KDM4A: variants seen among roughly 807,000 people sequenced by gnomAD.
The protein encoded by KDM4A is lysine demethylase 4A.
A neutral mutation model predicts 127.1 loss-of-function variants in KDM4A; 23 were observed. The ratio of observed to expected loss-of-function variants is 0.18; its 90% CI spans 0.13 to 0.26. The LOEUF (loss-of-function observed/expected upper bound fraction) is 0.26. Ranked by LOEUF, KDM4A falls within the 10% of genes least tolerant of loss-of-function variation. KDM4A has a pLI of 1.00. For synonymous variants in KDM4A, 443 were observed against 466.5 expected, an observed-to-expected ratio of 0.95 and a Z score of 0.65; for missense variants, 890 against 1,329.1, an observed-to-expected ratio of 0.67 and a Z score of 5.14.
chr1:43,669,500 C>G (rs1225316207), intron 10 of KDM4A, among the ~76,000 whole-genome samples: 6 of 152,104 alleles, frequency 3.9e-5, no homozygotes, highest in Non-Finnish European at 7.4e-5. Flanking sequence ...CCTCCCTCTG[C>G]CTGGTCAGGG....
rs114437207 is a variant in KDM4A, at chr1:43,660,780, T to A, written c.429+368T>A. ...CTAATCTAATGAAAGGGGTATACAT[T>A]TAAGAAGAGAAATACATTTAGATTT... On this transcript the variant is annotated intron_variant, in intron 4 of 21. Coordinates refer to ENST00000372396, the MANE Select transcript of KDM4A (RefSeq NM_014663.3). 5.6e-3 allele frequency among the ~76,000 whole-genome samples: 832 copies of A among 149,232 alleles called. 6 individuals are homozygous for A. The highest frequency in any genetic ancestry group is 0.01 in the Middle Eastern group (3 of 294).
chr1:43,658,356 C>G (rs184907601), intron 3 of KDM4A, among the ~76,000 whole-genome samples: 6 of 152,212 alleles, frequency 3.9e-5, no homozygotes, highest in African/African-American at 1.4e-4. Context: ...CAGGCATGAG[C>G]CACCGTGCCC....
chr1:43,691,585 A>C lies in KDM4A; in HGVS notation c.2319+13A>C. On this transcript the variant is annotated intron_variant, in intron 15 of 21. Transcript: ENST00000372396. ...TGCCCTAGAGGAGGTGAGTGATCCCACACTGTTACTGTCTTCACCATGAGT... is the reference window on the plus strand; with the variant it reads ...TGCCCTAGAGGAGGTGAGTGATCCCCCACTGTTACTGTCTTCACCATGAGT... 1.2e-6 allele frequency: 2 copies of C among 1,608,638 alleles called. No homozygotes were observed. Among genetic ancestry groups the C allele is most frequent in the Non-Finnish European group, 1.7e-6 (2 of 1,175,070 alleles).
Position 43,693,936 on chromosome 1 carries a change from A to G in KDM4A, c.2376-58A>G. The G allele has an allele frequency of 6.9e-7, 1 of 1,439,718 alleles. No individual in the cohort carries two copies. Among genetic ancestry groups the G allele is most frequent in the Non-Finnish European group, 9.8e-7 (1 of 1,025,402 alleles). 89.2% of individuals were successfully genotyped at this position (1,439,718 alleles called of 1,614,324 possible). On this transcript the variant is annotated intron_variant, in intron 16 of 21. Transcript: ENST00000372396. The surrounding 1 kb of genome is among the most constrained non-coding windows in gnomAD (Gnocchi z 4.2). ...GAAGCGCTGTCAGCAGGCCCAAAAGAGAAGGCCACAGAGCCTTGGGCCCAG... is the reference window on the plus strand; with the variant it reads ...GAAGCGCTGTCAGCAGGCCCAAAAGGGAAGGCCACAGAGCCTTGGGCCCAG...
chr1:43,700,684 A>C (rs1661366547), intron 19 of KDM4A, among the ~76,000 whole-genome samples: 1 of 152,156 alleles, frequency 6.6e-6, no homozygotes, highest in Non-Finnish European at 1.5e-5. Context: ...CAACCTCCCA[A>C]AGTGCTGGGA....
rs771020769 is a variant in KDM4A at position 43,683,727 on chromosome 1, C to G, written c.1778C>G (p.Ser593Cys). The G allele has an allele frequency of 3.1e-6, 5 of 1,614,016 alleles. No homozygotes were observed. In the South Asian group the frequency reaches 5.5e-5, roughly 18 times the overall value. The stretch of plus-strand genomic sequence containing the variant: ...TTTTCCCTAGAAGAGAATAAGAAGT[C>G]CAAGGGACGCCGTCAGCCTTTAAGC... ...YMFSLEENKK[S>C]KGRRQPLSKL... Residue 593 changes from serine (S) to cysteine (C), a missense_variant, in exon 12 of 22, where the codon TCC becomes TGC. Coordinates refer to ENST00000372396, the MANE Select transcript of KDM4A (RefSeq NM_014663.3).
At chr1:43,675,490 C>T (rs528132459) in intron 11 of KDM4A, among the ~76,000 whole-genome samples, 16 of 152,234 alleles carry the variant, frequency 1.1e-4, no homozygotes, top group African/African-American at 2.6e-4. Context: ...AGAATGAAAT[C>T]GAAGAGAATC....
chr1:43,656,129 G>A (rs1393697270), intron 3 of KDM4A, among the ~76,000 whole-genome samples: 1 of 152,104 alleles, frequency 6.6e-6, no homozygotes, highest in East Asian at 1.9e-4. Context: ...TCTCTCTCGG[G>A]ATGCTCTGTG....
Position 43,661,335 on chromosome 1 carries a change from G to A in KDM4A, c.429+923G>A, listed in dbSNP as rs369693747. On this transcript the variant is annotated intron_variant, in intron 4 of 21. Transcript: ENST00000372396. ...TAAAAAAATGAATTCCAGGCCGGGT[G>A]TGGTGGCTCACATCTGTAATCCCAG... Among the ~76,000 whole-genome samples, 7 of 151,734 alleles carry A rather than the reference G, an allele frequency of 4.6e-5. No homozygotes were observed. In the East Asian group the frequency reaches 1.4e-3, roughly 30 times the overall value.
intron 9 of KDM4A, 98 bp downstream of exon 9, chr1:43,668,117 G>GT (rs1398940733): frequency 2.0e-6 from 3 of 1,509,878 alleles, no homozygotes; most frequent in Non-Finnish European, 2.7e-6. Context: ...TTTTTGTTTT[G>GT]TTTTGTTTTT....
chr1:43,656,930 G>A (rs72883044), intron 3 of KDM4A, among the ~76,000 whole-genome samples: 2,655 of 151,532 alleles, frequency 0.018, 86 homozygotes, highest in African/African-American at 0.062. Context: ...GGGTTTCACC[G>A]TCTCTACTGT....
chr1:43,693,050 T>C lies in KDM4A; in HGVS notation c.2375+739T>C, dbSNP rs1394761742. ...CGCCTGCCCTCAAGAGTCCCAGTTA[T>C]GCTGTCCCTGAGAGATAGCTACTCT... On this transcript the variant is annotated intron_variant, in intron 16 of 21. Coordinates refer to ENST00000372396, the MANE Select transcript of KDM4A (RefSeq NM_014663.3). The surrounding 1 kb of genome is among the most constrained non-coding windows in gnomAD (Gnocchi z 4.2). Among the ~76,000 whole-genome samples, 2 of 152,232 alleles carry C rather than the reference T, an allele frequency of 1.3e-5. No homozygotes were observed. The highest frequency in any genetic ancestry group is 4.8e-5 in the African/African-American group (2 of 41,458).
rs549787843 is a variant in KDM4A at position 43,681,286 on chromosome 1, C to T, written c.1735-2398C>T. Among the ~76,000 whole-genome samples the T allele has an allele frequency of 4.6e-5, 7 of 152,278 alleles. 1 individual carries two copies. The South Asian group carries it at 1.4e-3, about 32-fold the overall frequency. ...TCTTTCTGGTATTCCTCTTACCTGT[C>T]TGCTTCTGAGTCTCCTTTTCTCCCT... On this transcript the variant is annotated intron_variant, in intron 11 of 21. Transcript: ENST00000372396.
intron 8 of KDM4A, 86 bp from the exon 9 acceptor site, chr1:43,667,686 C>A: frequency 6.4e-7 from 1 of 1,553,518 alleles, no homozygotes; most frequent in Non-Finnish European, 8.8e-7. Context: ...CACTTGTTTC[C>A]ATGTGGAGGG....
intron 3 of KDM4A, among the ~76,000 whole-genome samples, chr1:43,657,851 A>C (rs1660283150): frequency 6.8e-6 from 1 of 146,814 alleles, no homozygotes; most frequent in African/African-American, 2.6e-5. Context: ...CCCAGGTTCA[A>C]GTGATTTTCC....
intron 3 of KDM4A, among the ~76,000 whole-genome samples, chr1:43,658,071 CTT>C (rs371218115): frequency 1.5e-4 from 20 of 132,582 alleles, no homozygotes; most frequent in African/African-American, 2.2e-4. Context: ...AAAAACATAA[CTT>C]TTTTTTTTTT....
intron 4 of KDM4A, among the ~76,000 whole-genome samples, chr1:43,661,067 C>T (rs572481353): frequency 1.6e-4 from 24 of 151,942 alleles, no homozygotes; most frequent in Admixed American, 1.2e-3. Context: ...CTCCGCCTCC[C>T]GGGTTCAAGT....
At chr1:43,695,045 G>A (rs1235860871) in intron 18 of KDM4A, 151 bp downstream of exon 18, 12 of 750,408 alleles carry the variant, frequency 1.6e-5, no homozygotes, top group Non-Finnish European at 2.1e-5. Context: ...GGTGGCCCCT[G>A]TCCATCTCCA....
intron 12 of KDM4A, among the ~76,000 whole-genome samples, chr1:43,686,785 C>T (rs1180454653): frequency 2.6e-5 from 4 of 152,156 alleles, no homozygotes; most frequent in African/African-American, 7.2e-5. Flanking sequence ...CTGTTGTATG[C>T]CCCTCCCCCT....
Sources: allele counts gnomAD v4.1 joint callset (sites outside exome capture counted in the v4.1 genomes callset), GRCh38; gene constraint gnomAD v4.1.1; non-coding constraint Gnocchi (gnomAD v3.1); transcripts MANE v1.5; gene names NCBI Gene and HGNC (gene_info 2026-07-23, HGNC 2026-07-21).